SLC14A2: variants seen among roughly 807,000 people sequenced by gnomAD.
SLC14A2 encodes solute carrier family 14 member 2, also known as urea transporter 2.
In SLC14A2, 91 loss-of-function variants were observed where a neutral mutation model predicts 104.6. The ratio of observed to expected loss-of-function variants is 0.87; its 90% CI spans 0.73 to 1.04. The LOEUF (loss-of-function observed/expected upper bound fraction) is 1.04. Among genes scored for constraint, SLC14A2 ranks in the 50% least tolerant of loss-of-function variants. The pLI is 0.00. For missense variants in SLC14A2, 1,189 were observed against 1,156.0 expected (o/e 1.03, Z -0.41); for synonymous variants, 476 against 466.4 (o/e 1.02, Z -0.27).
chr18:45,307,131 C>T (rs998232651), intron 1 of SLC14A2, among the ~76,000 whole-genome samples: 1 of 152,158 alleles, frequency 6.6e-6, no homozygotes, highest in Non-Finnish European at 1.5e-5. Context: ...AAAAGACTAA[C>T]CTTGGCCGGG....
At chr18:45,444,059 T>A (rs1460631001) in intron 1 of SLC14A2, among the ~76,000 whole-genome samples, 3 of 152,142 alleles carry the variant, frequency 2.0e-5, no homozygotes, top group Non-Finnish European at 4.4e-5. Context: ...AGAGTAACCA[T>A]TACCAATGCT....
At chr18:45,264,652 A>G (rs58270905) in intron 1 of SLC14A2, among the ~76,000 whole-genome samples, 4,209 of 152,266 alleles carry the variant, frequency 0.028, 141 homozygotes, top group African/African-American at 0.07. Flanking sequence ...ATGAGAGACA[A>G]CCGGAAGGGG....
At chr18:45,571,652 C>G (rs2044347206) in intron 2 of SLC14A2, among the ~76,000 whole-genome samples, 1 of 152,240 alleles carries the variant, frequency 6.6e-6, no homozygotes, top group Non-Finnish European at 1.5e-5. Context: ...TTCCACTGCT[C>G]CGCTCAACGG....
At chr18:45,233,156 G>A (rs948091939) in intron 1 of SLC14A2, among the ~76,000 whole-genome samples, 1 of 152,168 alleles carries the variant, frequency 6.6e-6, no homozygotes, top group African/African-American at 2.4e-5. Flanking sequence ...ACATATCGGA[G>A]TGGTAGTGAG....
At chr18:45,278,217 G>T (rs77598191) in intron 1 of SLC14A2, among the ~76,000 whole-genome samples, 2,281 of 152,310 alleles carry the variant, frequency 0.015, 85 homozygotes, top group East Asian at 0.089. Flanking sequence ...TTTATTCAGT[G>T]TGACATTCTT....
At chr18:45,670,722 G>A (rs964381118) in intron 16 of SLC14A2, among the ~76,000 whole-genome samples, 2 of 152,230 alleles carry the variant, frequency 1.3e-5, no homozygotes, top group East Asian at 3.9e-4. Flanking sequence ...GTGCAGTGAC[G>A]CAATCACAGC....
chr18:45,251,970 A>G lies in SLC14A2; in HGVS notation c.-125+38779A>G, dbSNP rs955851030. 7.9e-5 allele frequency among the ~76,000 whole-genome samples: 12 copies of G among 152,196 alleles called. 1 individual carries two copies. Among genetic ancestry groups the G allele is most frequent in the African/African-American group, 2.4e-5 (1 of 41,442 alleles). On this transcript the variant is annotated intron_variant, in intron 1 of 20. Transcript: ENST00000586448. ...GAGAATCTGAGACGCATTAGCTTGT[A>G]GAACATTAAAATCATCATGGAGGAA... is the stretch of plus-strand genomic sequence containing the variant.
intron 1 of SLC14A2, among the ~76,000 whole-genome samples, chr18:45,242,064 T>C (rs958064503): frequency 6.6e-6 from 1 of 152,154 alleles, no homozygotes; most frequent in Non-Finnish European, 1.5e-5. Context: ...TTCAGAGCAC[T>C]TTACTGCACA....
intron 1 of SLC14A2, among the ~76,000 whole-genome samples, chr18:45,312,108 G>A (rs1208661273): frequency 6.6e-6 from 1 of 152,076 alleles, no homozygotes; most frequent in Non-Finnish European, 1.5e-5. Context: ...GTGACTATGG[G>A]GAAGTTATCT....
chr18:45,424,803 C>T (rs1164986842), intron 1 of SLC14A2, among the ~76,000 whole-genome samples: 1 of 152,200 alleles, frequency 6.6e-6, no homozygotes, highest in East Asian at 1.9e-4. Flanking sequence ...AGGCCTTTTC[C>T]AACTCCAACT....
chr18:45,393,532 G>A (rs994630390), intron 1 of SLC14A2, among the ~76,000 whole-genome samples: 9 of 152,154 alleles, frequency 5.9e-5, no homozygotes, highest in Non-Finnish European at 1.3e-4. Context: ...TGTGCATCAT[G>A]GAAACCCAAA....
At chr18:45,293,402 A>G (rs1033584126) in intron 1 of SLC14A2, among the ~76,000 whole-genome samples, 1 of 152,164 alleles carries the variant, frequency 6.6e-6, no homozygotes, top group African/African-American at 2.4e-5. Context: ...ATGAAGTTCA[A>G]TTTAATAGGG....
At chr18:45,301,197 T>C (rs1372263664) in intron 1 of SLC14A2, among the ~76,000 whole-genome samples, 2 of 152,194 alleles carry the variant, frequency 1.3e-5, no homozygotes, top group Non-Finnish European at 2.9e-5. Context: ...GATCAGGAAA[T>C]TGAGGCTCAG....
chr18:45,475,678 T>G (rs1304397739), intron 1 of SLC14A2, among the ~76,000 whole-genome samples: 1 of 100,594 alleles, frequency 9.9e-6, no homozygotes, highest in African/African-American at 3.8e-5. Flanking sequence ...TATATATATA[T>G]ATATATATAT....
At chr18:45,434,640 C>T (rs1213673107) in intron 1 of SLC14A2, among the ~76,000 whole-genome samples, 1 of 152,154 alleles carries the variant, frequency 6.6e-6, no homozygotes, top group Non-Finnish European at 1.5e-5. Context: ...TACTAACTGG[C>T]AGCCTGAAGG....
At chr18:45,405,287 G>A (rs1175643012) in intron 1 of SLC14A2, among the ~76,000 whole-genome samples, 1 of 152,170 alleles carries the variant, frequency 6.6e-6, no homozygotes, top group Non-Finnish European at 1.5e-5. Flanking sequence ...AACAGAGCAA[G>A]TTGGCAAACT....
chr18:45,291,729 A>G (rs1371297151), intron 1 of SLC14A2, among the ~76,000 whole-genome samples: 1 of 151,988 alleles, frequency 6.6e-6, no homozygotes, highest in East Asian at 1.9e-4. Flanking sequence ...CCCTGCCACA[A>G]GAATGAATCC....
chr18:45,589,326 G>C (rs555052055), intron 2 of SLC14A2, among the ~76,000 whole-genome samples: 82 of 151,958 alleles, frequency 5.4e-4, no homozygotes, highest in African/African-American at 1.9e-3. Context: ...AGAGAGAAAG[G>C]GGGGCTGCAA....
At chr18:45,682,278 A>C (rs2046321309) in intron 19 of SLC14A2, 41 bp from the exon 20 acceptor site, 1 of 1,581,272 alleles carries the variant, frequency 6.3e-7, no homozygotes, top group African/African-American at 1.3e-5. Context: ...ATGCACAGGC[A>C]CCTGATGTGA....
Sources: gnomAD v4.1 joint callset for allele counts (sites outside exome capture counted in the v4.1 genomes callset) on GRCh38, gnomAD v4.1.1 for gene constraint, MANE v1.5 for transcripts, NCBI Gene and HGNC (gene_info 2026-07-23, HGNC 2026-07-21) for gene names.